Variants in USP32 observed in about 807,000 individuals in gnomAD.
The protein encoded by USP32 is ubiquitin carboxyl-terminal hydrolase 32.
In USP32, 59 loss-of-function variants were observed where a neutral mutation model predicts 204.8. That is an observed-to-expected ratio of 0.29 (90% CI 0.23 to 0.36). USP32 has a LOEUF of 0.36. Among genes scored for constraint, USP32 ranks in the 10% least tolerant of loss-of-function variants. USP32 has a pLI of 1.00. For synonymous variants in USP32, 517 were observed against 678.4 expected, an observed-to-expected ratio of 0.76 and a Z score of 3.70; for missense variants, 1,160 against 1,946.4, an observed-to-expected ratio of 0.60 and a Z score of 7.60.
At chr17:60,368,479 TG>T (rs2089362307) in intron 1 of USP32, among the ~76,000 whole-genome samples, 1 of 151,924 alleles carries the variant, frequency 6.6e-6, no homozygotes, top group African/African-American at 2.4e-5. Flanking sequence ...CAAAAGACTC[TG>T]CTTCAAACAA....
chr17:60,333,147 G>A (rs2088430436), intron 2 of USP32, among the ~76,000 whole-genome samples: 1 of 152,174 alleles, frequency 6.6e-6, no homozygotes, highest in South Asian at 2.1e-4. Context: ...TCCCCGCAAG[G>A]TTGAAAATCT....
rs184698746 is a variant in USP32 at position 60,306,983 on chromosome 17, G to T, written c.187-5279C>A. On this transcript the variant is annotated intron_variant, in intron 2 of 33. Coordinates refer to ENST00000300896, the MANE Select transcript of USP32 (RefSeq NM_032582.4). ...TAGGAATCAGTTTAGCCAGAGATGT[G>T]AAAGATCTATAAAAGGAAAACTATA... 1.4e-4 allele frequency among the ~76,000 whole-genome samples: 21 copies of T among 152,080 alleles called. No homozygotes were observed. In the East Asian group the frequency reaches 4.1e-3, roughly 29 times the overall value.
chr17:60,415,073 C>T lies in USP32; in HGVS notation c.106+7173G>A, dbSNP rs907870220. On this transcript the variant is annotated intron_variant, in intron 1 of 3. Transcript: ENST00000588898. ...TCCTCTATAAAGAAAATAAATTTTT[C>T]GTTATTTTCATGCTTGGGGAGGGTG... 3.9e-5 allele frequency among the ~76,000 whole-genome samples: 6 copies of T among 152,176 alleles called. No homozygotes were observed. In the East Asian group the frequency reaches 5.8e-4, roughly 15 times the overall value.
At chr17:60,195,360 CAG>C (rs1347994701) in intron 27 of USP32, among the ~76,000 whole-genome samples, 10 of 152,232 alleles carry the variant, frequency 6.6e-5, no homozygotes, top group African/African-American at 1.9e-4. Flanking sequence ...TCTTTTGAGA[CAG>C]AGTCTTGCTC....
intron 1 of USP32, among the ~76,000 whole-genome samples, chr17:60,346,961 G>A (rs2088801309): frequency 1.3e-5 from 2 of 152,152 alleles, no homozygotes; most frequent in Admixed American, 1.3e-4. Context: ...CCTGTCATAA[G>A]GAAGGGACAC....
chr17:60,265,082 ACTT>A (rs1263959808), intron 9 of USP32, among the ~76,000 whole-genome samples: 1 of 152,014 alleles, frequency 6.6e-6, no homozygotes, highest in Non-Finnish European at 1.5e-5. Flanking sequence ...TTTTTGTTTG[ACTT>A]CTTTTGCTCA....
At chr17:60,367,054 C>G (rs997710898) in intron 1 of USP32, among the ~76,000 whole-genome samples, 1 of 152,184 alleles carries the variant, frequency 6.6e-6, no homozygotes, top group South Asian at 2.1e-4. Context: ...GTCTCAATCT[C>G]CTGACCTTGT....
intron 12 of USP32, among the ~76,000 whole-genome samples, chr17:60,234,434 A>G (rs966106936): frequency 6.6e-6 from 1 of 151,198 alleles, no homozygotes; most frequent in Non-Finnish European, 1.5e-5. Flanking sequence ...AATTTAAAAA[A>G]AAATTTTTTT....
At chr17:60,304,335 A>G (rs2087668119) in intron 2 of USP32, among the ~76,000 whole-genome samples, 1 of 151,958 alleles carries the variant, frequency 6.6e-6, no homozygotes, top group Non-Finnish European at 1.5e-5. Flanking sequence ...CAAAAAGAAA[A>G]GATATTTTGC....
In USP32 at chr17:60,235,494, A is replaced by C. The variant is rs187000665; in HGVS notation, c.1239+644T>G. On this transcript the variant is annotated intron_variant, in intron 12 of 33. Coordinates refer to ENST00000300896, the MANE Select transcript of USP32 (RefSeq NM_032582.4). ...AGTATGTAACTACCAATATTCTGAT[A>C]ATAAGCAGTGACAGAGGAAATACAG... is the stretch of plus-strand genomic sequence containing the variant. Among the ~76,000 whole-genome samples, 7 of 152,372 alleles carry C rather than the reference A, an allele frequency of 4.6e-5. No individual in the cohort carries two copies. The East Asian group carries it at 1.3e-3, about 29-fold the overall frequency.
intron 2 of USP32, among the ~76,000 whole-genome samples, chr17:60,328,610 G>C (rs2088302778): frequency 6.6e-6 from 1 of 152,228 alleles, no homozygotes; most frequent in African/African-American, 2.4e-5. Flanking sequence ...AAACAGAGCT[G>C]AAACATTCTT....
At chr17:60,180,046 G>C (rs1360136837) in intron 33 of USP32, among the ~76,000 whole-genome samples, 2 of 150,010 alleles carry the variant, frequency 1.3e-5, no homozygotes, top group Non-Finnish European at 3.0e-5. Flanking sequence ...TTTTTCTTGA[G>C]ACAGAGTCTT....
At chr17:60,394,048 A>T (rs563428269), upstream of USP32, among the ~76,000 whole-genome samples, 1 of 152,356 alleles carries the variant, frequency 6.6e-6, no homozygotes, top group South Asian at 2.1e-4. Flanking sequence ...CATTAGTCAC[A>T]GCGCTGCCCT....
intron 2 of USP32, among the ~76,000 whole-genome samples, chr17:60,323,445 G>C (rs1057265736): frequency 6.6e-6 from 1 of 152,180 alleles, no homozygotes; most frequent in Non-Finnish European, 1.5e-5. Context: ...TAGTATATTA[G>C]TTGGCCAAAG....
intron 1 of USP32, among the ~76,000 whole-genome samples, chr17:60,369,008 T>TTTTTTTTTTTTTTTTTTTTTTG (rs2089378694): frequency 7.7e-6 from 1 of 129,402 alleles, no homozygotes; most frequent in Non-Finnish European, 1.5e-5. Flanking sequence ...TTTTTTTTTT[T>TTTTTTTTTTTTTTTTTTTTTTG]TTTTGAGACG....
At chr17:60,207,215 A>G in intron 24 of USP32, 83 bp from the exon 25 acceptor site, 1 of 1,511,118 alleles carries the variant, frequency 6.6e-7, no homozygotes. Flanking sequence ...TTTCAAAAGA[A>G]TGTCTTAGGC....
intron 1 of USP32, among the ~76,000 whole-genome samples, chr17:60,349,619 A>AT (rs1275710992): frequency 2.1e-4 from 16 of 74,924 alleles, no homozygotes; most frequent in African/African-American, 4.6e-4. Context: ...ATATATATAT[A>AT]TATATTATAT....
At chr17:60,328,914 A>G (rs75620339) in intron 2 of USP32, among the ~76,000 whole-genome samples, 305 of 152,226 alleles carry the variant, frequency 2.0e-3, no homozygotes, top group African/African-American at 7.0e-3. Context: ...ACCCCACTCT[A>G]GCTCACACAC....
chr17:60,252,342 T>C, intron 11 of USP32, 39 bp downstream of exon 11: 1 of 1,462,490 alleles, frequency 6.8e-7, no homozygotes, highest in Admixed American at 1.7e-5. Context: ...ATTTCAAGTA[T>C]GTGAAATTTC....
Sources: allele counts gnomAD v4.1 joint callset (sites outside exome capture counted in the v4.1 genomes callset), GRCh38; gene constraint gnomAD v4.1.1; transcripts MANE v1.5; gene names NCBI Gene and HGNC (gene_info 2026-07-23, HGNC 2026-07-21).